Variants in RHOBTB3 observed in about 807,000 individuals in gnomAD.
The protein encoded by RHOBTB3 is rho-related BTB domain-containing protein 3.
Under a neutral mutation model 67.2 loss-of-function variants are expected in RHOBTB3, and 47 were observed. The observed-to-expected ratio is 0.70, with a 90% CI of 0.55 to 0.89. The LOEUF (loss-of-function observed/expected upper bound fraction) is 0.89. Among genes scored for constraint, RHOBTB3 ranks in the 40% least tolerant of loss-of-function variants. The pLI, the probability that RHOBTB3 is intolerant of heterozygous loss-of-function variation, is 0.00. For missense variants in RHOBTB3, 631 were observed against 750.0 expected (o/e 0.84, Z 1.85); for synonymous variants, 273 against 274.2 (o/e 1.00, Z 0.04).
intron 2 of RHOBTB3, among the ~76,000 whole-genome samples, chr5:95,734,140 CTTATA>C (rs775119677): frequency 6.6e-6 from 1 of 152,142 alleles, no homozygotes; most frequent in Non-Finnish European, 1.5e-5. Flanking sequence ...TTATGTATCA[CTTATA>C]TTAATACTAA....
chr5:95,767,233 T>G lies in RHOBTB3; in HGVS notation c.1162-813T>G, dbSNP rs139600698. Among the ~76,000 whole-genome samples the G allele has an allele frequency of 8.0e-3, 1,224 of 152,274 alleles. 38 individuals carry two copies. Among genetic ancestry groups the G allele is most frequent in the Admixed American group, 0.063 (964 of 15,298 alleles). ...CTCAAAAAAGATGGAGGTGAACCACTTCATTACTCTACGTTATTTTTTTAA... is the reference window on the plus strand; with the variant it reads ...CTCAAAAAAGATGGAGGTGAACCACGTCATTACTCTACGTTATTTTTTTAA... On this transcript the variant is annotated intron_variant, in intron 7 of 11. Transcript: ENST00000379982.
chr5:95,764,231 A>T (rs1295621349), intron 7 of RHOBTB3, among the ~76,000 whole-genome samples: 1 of 152,180 alleles, frequency 6.6e-6, no homozygotes, highest in East Asian at 1.9e-4. Flanking sequence ...CACAATCTAT[A>T]TCATGAATAA....
intron 11 of RHOBTB3, among the ~76,000 whole-genome samples, chr5:95,790,698 C>T (rs1051906847): frequency 3.3e-5 from 5 of 152,114 alleles, no homozygotes; most frequent in Admixed American, 3.3e-4. Flanking sequence ...GTGCCTCTTC[C>T]TGTCCAGGGT....
At chr5:95,759,365 TTTAA>T (rs1267721831) in intron 6 of RHOBTB3, among the ~76,000 whole-genome samples, 4 of 152,252 alleles carry the variant, frequency 2.6e-5, no homozygotes, top group African/African-American at 9.6e-5. Context: ...TTTATTATTC[TTTAA>T]TTATTTACAG....
chr5:95,755,354 C>T (rs758540527), intron 5 of RHOBTB3, 42 bp from the exon 6 acceptor site: 1 of 1,416,874 alleles, frequency 7.1e-7, no homozygotes, highest in Non-Finnish European at 9.3e-7. Flanking sequence ...GGTCTGTAAA[C>T]CTGAAAGGAG....
At chr5:95,732,253 A>C in intron 2 of RHOBTB3, 169 bp downstream of exon 2, 1 of 665,150 alleles carries the variant, frequency 1.5e-6, no homozygotes, top group South Asian at 1.8e-5. Context: ...CTGGGCAGGG[A>C]ACAGCCCTGT....
intron 10 of RHOBTB3, among the ~76,000 whole-genome samples, chr5:95,788,436 C>T (rs1380699234): frequency 1.3e-5 from 2 of 152,158 alleles, no homozygotes; most frequent in Admixed American, 6.5e-5. Context: ...TATTGAAGTC[C>T]GTGGCTTCAG....
At chr5:95,761,659 C>G (rs190419786) in intron 6 of RHOBTB3, among the ~76,000 whole-genome samples, 31 of 152,258 alleles carry the variant, frequency 2.0e-4, no homozygotes, top group African/African-American at 7.5e-4. Flanking sequence ...AACACTGATG[C>G]CAGGGGCTTC....
At chr5:95,777,140 G>A (rs887522492) in intron 8 of RHOBTB3, among the ~76,000 whole-genome samples, 2 of 152,074 alleles carry the variant, frequency 1.3e-5, no homozygotes, top group Admixed American at 6.5e-5. Flanking sequence ...AGAGAGGTAC[G>A]GATGTCCTTT....
chr5:95,776,489 C>T (rs1386158956), intron 8 of RHOBTB3, among the ~76,000 whole-genome samples: 1 of 151,818 alleles, frequency 6.6e-6, no homozygotes, highest in Admixed American at 6.6e-5. Context: ...TTATTTCACG[C>T]AATAATAATA....
At chr5:95,723,611 C>CACAA (rs1754961193) in intron 1 of RHOBTB3, among the ~76,000 whole-genome samples, 2 of 152,154 alleles carry the variant, frequency 1.3e-5, no homozygotes. Flanking sequence ...AATTTGCACA[C>CACAA]TTTATCTCCC....
intron 4 of RHOBTB3, among the ~76,000 whole-genome samples, chr5:95,750,219 CAAT>C (rs1284108434): frequency 2.0e-5 from 3 of 152,138 alleles, no homozygotes; most frequent in African/African-American, 7.2e-5. Context: ...AAGAGCTGTG[CAAT>C]ACTACCCTTA....
Position 95,778,413 on chromosome 5 carries a change from T to C in RHOBTB3, c.1283-1839T>C, listed in dbSNP as rs540258364. Among the ~76,000 whole-genome samples the C allele has an allele frequency of 6.6e-5, 10 of 152,140 alleles. No homozygotes were observed. In the East Asian group the frequency reaches 1.9e-3, roughly 29 times the overall value. On this transcript the variant is annotated intron_variant, in intron 8 of 11. Coordinates refer to ENST00000379982, the MANE Select transcript of RHOBTB3 (RefSeq NM_014899.4). ...TACAGTTGCAGGGTTTTTTTTTTTT[T>C]CTGAATATTTTCCACTCTCTGTTGG...
In RHOBTB3 at chr5:95,763,625, G is replaced by A; in HGVS notation, c.1161+5G>A. ...ATTTTAAAAACACCAGGAAAGGTAA[G>A]TTGATTTGTTGTAAGTTAGTTTACT... is the stretch of plus-strand genomic sequence containing the variant. On this transcript the variant is annotated splice_donor_5th_base_variant and intron_variant, in intron 7 of 11. Transcript: ENST00000379982. The A allele has an allele frequency of 1.3e-6, 2 of 1,504,158 alleles. No individual in the cohort carries two copies. Among genetic ancestry groups the A allele is most frequent in the Admixed American group, 1.7e-5 (1 of 59,696 alleles). The allele number at this position is 1,504,158 out of a possible 1,614,324, so 93.2% of individuals were successfully genotyped here.
At chr5:95,767,297 TAGA>T (rs777487824) in intron 7 of RHOBTB3, among the ~76,000 whole-genome samples, 13 of 152,146 alleles carry the variant, frequency 8.5e-5, no homozygotes, top group Non-Finnish European at 1.8e-4. Context: ...AGCTAGTAAG[TAGA>T]AGAAGGATAT....
chr5:95,773,199 A>G (rs770893828), intron 8 of RHOBTB3, among the ~76,000 whole-genome samples: 1 of 152,198 alleles, frequency 6.6e-6, no homozygotes, highest in East Asian at 1.9e-4. Context: ...CTTTTCTTCC[A>G]TGATTCTACC....
intron 5 of RHOBTB3, among the ~76,000 whole-genome samples, chr5:95,754,672 G>T (rs1022650334): frequency 6.6e-6 from 1 of 152,158 alleles, no homozygotes; most frequent in Non-Finnish European, 1.5e-5. Context: ...TTGATTGAGG[G>T]CTCATCTCTC....
At chr5:95,753,566 A>C (rs978166646) in intron 5 of RHOBTB3, among the ~76,000 whole-genome samples, 2 of 152,204 alleles carry the variant, frequency 1.3e-5, no homozygotes, top group Non-Finnish European at 2.9e-5. Flanking sequence ...AAGTGCAGAT[A>C]TATAGACCAC....
chr5:95,729,835 T>C (rs371297180), upstream of RHOBTB3, among the ~76,000 whole-genome samples: 4 of 152,354 alleles, frequency 2.6e-5, no homozygotes, highest in South Asian at 2.1e-4. Context: ...ATGTTGTAGT[T>C]TATGAAGGAA....
Sources: gnomAD v4.1 joint callset for allele counts (sites outside exome capture counted in the v4.1 genomes callset) on GRCh38, gnomAD v4.1.1 for gene constraint, MANE v1.5 for transcripts, NCBI Gene and HGNC (gene_info 2026-07-23, HGNC 2026-07-21) for gene names.